The following COL19A1 variants were observed in gnomAD, a reference collection of about 807,000 sequenced individuals.
COL19A1 encodes collagen type XIX alpha 1 chain, also known as collagen alpha-1(XIX) chain.
Under a neutral mutation model 190.2 loss-of-function variants are expected in COL19A1, and 159 were observed. The ratio of observed to expected loss-of-function variants is 0.84; its 90% CI spans 0.73 to 0.95. The LOEUF (loss-of-function observed/expected upper bound fraction) is 0.95, where lower values mean the gene tolerates loss of function less well. COL19A1 is among the 40% of genes least tolerant of loss of function. The pLI is 0.00. For synonymous variants in COL19A1, 509 were observed against 458.9 expected, an observed-to-expected ratio of 1.11 and a Z score of -1.39; for missense variants, 1,418 against 1,431.9, an observed-to-expected ratio of 0.99 and a Z score of 0.16.
intron 11 of COL19A1, among the ~76,000 whole-genome samples, chr6:69,971,051 A>G (rs1775394774): frequency 6.6e-6 from 1 of 151,800 alleles, no homozygotes; most frequent in Admixed American, 6.6e-5. Flanking sequence ...GTGCTCGTGA[A>G]TAACTCTAAT....
chr6:69,930,480 G>A (rs1772685058), intron 6 of COL19A1, among the ~76,000 whole-genome samples: 3 of 152,102 alleles, frequency 2.0e-5, no homozygotes, highest in Admixed American at 2.0e-4. Context: ...TAAGAAGATT[G>A]AGTGTTCTAT....
At chr6:70,063,527 C>T (rs1390331990) in intron 14 of COL19A1, among the ~76,000 whole-genome samples, 2 of 151,944 alleles carry the variant, frequency 1.3e-5, no homozygotes, top group African/African-American at 4.8e-5. Flanking sequence ...CAAGAGAAAG[C>T]AGGAAAGATC....
chr6:69,929,905 A>G (rs946015083), intron 6 of COL19A1, among the ~76,000 whole-genome samples: 2 of 152,142 alleles, frequency 1.3e-5, no homozygotes, highest in Non-Finnish European at 2.9e-5. Context: ...ACTCCATTTT[A>G]TACCCATTTT....
chr6:70,069,190 A>C (rs762600026), intron 15 of COL19A1, among the ~76,000 whole-genome samples: 2 of 152,100 alleles, frequency 1.3e-5, no homozygotes, highest in Non-Finnish European at 2.9e-5. Flanking sequence ...AGGTACTGTC[A>C]ACTTCTGTTC....
chr6:70,068,576 C>T, intron 15 of COL19A1, 100 bp downstream of exon 15: 1 of 670,020 alleles, frequency 1.5e-6, no homozygotes, highest in Non-Finnish European at 2.6e-6. Flanking sequence ...AGCAGATGGG[C>T]ATATGGAGAG....
At chr6:70,009,701 A>ATGATAATC (rs1777864172) in intron 11 of COL19A1, among the ~76,000 whole-genome samples, 1 of 152,204 alleles carries the variant, frequency 6.6e-6, no homozygotes, top group Non-Finnish European at 1.5e-5. Context: ...ATTTATCATA[A>ATGATAATC]TGATAATCAA....
intron 2 of COL19A1, among the ~76,000 whole-genome samples, chr6:69,887,055 T>C (rs1768995181): frequency 6.6e-6 from 1 of 152,228 alleles, no homozygotes; most frequent in South Asian, 2.1e-4. Context: ...TAAATGTTGC[T>C]AGAAATGTTG....
intron 27 of COL19A1, among the ~76,000 whole-genome samples, chr6:70,149,045 T>A (rs1485893090): frequency 2.0e-5 from 3 of 151,980 alleles, no homozygotes; most frequent in Admixed American, 6.6e-5. Context: ...AGCAGTGATA[T>A]GAATATTTAT....
At chr6:69,901,561 C>A (rs907569742) in intron 4 of COL19A1, among the ~76,000 whole-genome samples, 1 of 152,204 alleles carries the variant, frequency 6.6e-6, no homozygotes, top group Non-Finnish European at 1.5e-5. Flanking sequence ...CTACAGCTGC[C>A]GCTGTTTGGG....
At chr6:69,919,927 G>A (rs1257579589) in intron 4 of COL19A1, among the ~76,000 whole-genome samples, 1 of 152,010 alleles carries the variant, frequency 6.6e-6, no homozygotes, top group Non-Finnish European at 1.5e-5. Flanking sequence ...ATTTGTTAGT[G>A]CCCTTTTAGG....
chr6:70,169,722 A>G (rs528094036), intron 40 of COL19A1, among the ~76,000 whole-genome samples: 13 of 152,226 alleles, frequency 8.5e-5, no homozygotes, highest in Middle Eastern at 3.4e-3. Flanking sequence ...TGTCTACCCT[A>G]TCTTTACCTG....
chr6:69,912,640 T>C (rs539995607), intron 4 of COL19A1, among the ~76,000 whole-genome samples: 43 of 152,256 alleles, frequency 2.8e-4, no homozygotes, highest in Admixed American at 7.2e-4. Context: ...GAGGTGTGCA[T>C]GTGTGCTTTG....
chr6:70,131,960 C>T (rs1785550901), intron 18 of COL19A1, among the ~76,000 whole-genome samples: 1 of 152,130 alleles, frequency 6.6e-6, no homozygotes, highest in African/African-American at 2.4e-5. Flanking sequence ...TAGGAAAAGC[C>T]AGTGGCATAA....
At chr6:70,141,082 A>G (rs985587728) in intron 20 of COL19A1, 93 bp downstream of exon 20, 3 of 1,108,526 alleles carry the variant, frequency 2.7e-6, no homozygotes, top group East Asian at 4.9e-5. Flanking sequence ...AGTCTAATAG[A>G]TTTGATTAAA....
chr6:70,085,927 A>G (rs1782559136), intron 15 of COL19A1, among the ~76,000 whole-genome samples: 2 of 152,220 alleles, frequency 1.3e-5, no homozygotes, highest in South Asian at 4.1e-4. Flanking sequence ...AAATGCTGAA[A>G]GTGAGTTATG....
At chr6:70,155,795 T>A (rs1787393365) in intron 31 of COL19A1, among the ~76,000 whole-genome samples, 1 of 152,160 alleles carries the variant, frequency 6.6e-6, no homozygotes, top group Non-Finnish European at 1.5e-5. Flanking sequence ...TAAAACATTC[T>A]GCTAAACAAT....
chr6:69,979,508 A>ATTT (rs932272714), intron 11 of COL19A1, among the ~76,000 whole-genome samples: 52 of 152,014 alleles, frequency 3.4e-4, no homozygotes, highest in African/African-American at 1.2e-3. Flanking sequence ...TTGATGAAAT[A>ATTT]TTTTTACTAA....
At chr6:70,018,036 T>C (rs1270454503) in intron 11 of COL19A1, among the ~76,000 whole-genome samples, 1 of 152,114 alleles carries the variant, frequency 6.6e-6, no homozygotes, top group African/African-American at 2.4e-5. Context: ...TGCAAGATTT[T>C]GTTTTAACAG....
At position 69,928,050 on chromosome 6, in the gene COL19A1, T is replaced by G; in HGVS notation, c.390+18T>G. 1.2e-6 allele frequency: 2 copies of G among 1,605,232 alleles called. No homozygotes were observed. Among genetic ancestry groups the G allele is most frequent in the Non-Finnish European group, 8.5e-7 (1 of 1,174,612 alleles). On this transcript the variant is annotated intron_variant, in intron 5 of 50. Coordinates refer to ENST00000620364, the MANE Select transcript of COL19A1 (RefSeq NM_001858.6). The stretch of plus-strand genomic sequence containing the variant: ...TTCCACAGGTAAAGTACCATTAGAG[T>G]TGTGCTCATTAGTTTTCCTTGTGTA...
Sources: gnomAD v4.1 joint callset for allele counts (sites outside exome capture counted in the v4.1 genomes callset) on GRCh38, gnomAD v4.1.1 for gene constraint, MANE v1.5 for transcripts, NCBI Gene and HGNC (gene_info 2026-07-23, HGNC 2026-07-21) for gene names.